Variants in TAAR5 observed in about 807,000 individuals in gnomAD.
The protein encoded by TAAR5 is trace amine-associated receptor 5.
A neutral mutation model predicts 21.1 loss-of-function variants in TAAR5; 27 were observed. That is an observed-to-expected ratio of 1.28 (90% confidence interval 0.94 to 1.76). TAAR5 has a LOEUF of 1.76. Among genes scored for constraint, TAAR5 ranks in the 40% most tolerant of loss-of-function variants. The pLI, the probability that TAAR5 is intolerant of heterozygous loss-of-function variation, is 0.00. For missense variants in TAAR5, 495 were observed against 405.6 expected, an observed-to-expected ratio of 1.22 and a Z score of -1.89; for synonymous variants, 203 against 167.5, an observed-to-expected ratio of 1.21 and a Z score of -1.64.
At chr6:132,601,229 A>T in the TAAR5 span, among the ~76,000 whole-genome samples, 1 of 152,220 alleles carries the variant, frequency 6.6e-6, no homozygotes, top group Non-Finnish European at 1.5e-5. Context: ...TGAAATCTTG[A>T]ATTTTTAATA....
At chr6:132,599,416 C>A in the TAAR5 span, among the ~76,000 whole-genome samples, 1 of 149,756 alleles carries the variant, frequency 6.7e-6, no homozygotes, top group East Asian at 2.0e-4. Context: ...GCAACCTTCA[C>A]CTCCTGGGTT....
chr6:132,590,956 T>C (rs1295633643), upstream of TAAR5, among the ~76,000 whole-genome samples: 1 of 152,210 alleles, frequency 6.6e-6, no homozygotes, highest in Non-Finnish European at 1.5e-5. Context: ...TTGAGAATAA[T>C]TGATCATGGG....
In TAAR5 at chr6:132,588,931, C is replaced by A. The variant is rs768514767; in HGVS notation, c.756G>T (p.Lys252Asn). ...ATATGCCCACAGCAATGCCCAGGGT[C>A]TTGGCAGCTTTTCTCTCATGCTTGG... Reference protein sequence around the residue: ...GAAKHERKAAKTLGIAVGIYL... With the variant: ...GAAKHERKAANTLGIAVGIYL... The change falls in exon 1 of 1, where the codon AAG becomes AAT. Residue 252 changes from lysine to asparagine, a missense_variant. By Grantham distance (94) the Lys-to-Asn change is moderately conservative. Coordinates refer to ENST00000258034, the MANE Select transcript of TAAR5 (RefSeq NM_003967.3). 1 of 1,614,142 alleles carries A rather than the reference C, an allele frequency of 6.2e-7. No individual in the cohort carries two copies. Among genetic ancestry groups the A allele is most frequent in the Admixed American group, 1.7e-5 (1 of 60,030 alleles).
In TAAR5 at chr6:132,589,104, G is replaced by C. The variant is rs142528485; in HGVS notation, c.583C>G (p.Leu195Val). Residue 195 changes from leucine (L) to valine (V), a missense_variant, in exon 1 of 1, where the codon CTG (leucine) becomes GTG (valine). By Grantham distance (32) the Leu-to-Val change is conservative. Coordinates refer to ENST00000258034, the MANE Select transcript of TAAR5 (RefSeq NM_003967.3). The stretch of plus-strand genomic sequence containing the variant: ...AACCAGCCCCAAAATTTATTGAGCA[G>C]CAGCTGGCAACTGCCCACACAAGGC... ...EMPCVGSCQL[L>V]LNKFWGWLNF... 6.2e-7 allele frequency: 1 copy of C among 1,613,936 alleles called. No homozygotes were observed. Among genetic ancestry groups the C allele is most frequent in the Admixed American group, 1.7e-5 (1 of 60,016 alleles).
At chr6:132,608,442 G>C in the TAAR5 span, 1 of 455,816 alleles carries the variant, frequency 2.2e-6, no homozygotes, top group South Asian at 1.5e-5. Context: ...CTAGGTATGG[G>C]TCAATCAGAA....
At chr6:132,596,318 T>C in the TAAR5 span, among the ~76,000 whole-genome samples, 1 of 152,204 alleles carries the variant, frequency 6.6e-6, no homozygotes, top group Admixed American at 6.6e-5. Context: ...GACTGACTTA[T>C]CCAGAGTATG....
At chr6:132,590,691 G>A (rs1412034278), upstream of TAAR5, among the ~76,000 whole-genome samples, 1 of 152,168 alleles carries the variant, frequency 6.6e-6, no homozygotes, top group Non-Finnish European at 1.5e-5. Flanking sequence ...GACCTAGTTT[G>A]CACTATTTGC....
At chr6:132,589,925 T>A (rs1402681637), upstream of TAAR5, among the ~76,000 whole-genome samples, 3 of 152,164 alleles carry the variant, frequency 2.0e-5, no homozygotes, top group Non-Finnish European at 2.9e-5. Context: ...GAGTTACTTC[T>A]GCTAGCTCTA....
At chr6:132,599,518 G>C in the TAAR5 span, among the ~76,000 whole-genome samples, 3 of 151,576 alleles carry the variant, frequency 2.0e-5, no homozygotes, top group Non-Finnish European at 4.4e-5. Context: ...TAGTAGAGAT[G>C]GGGTGTCACC....
chr6:132,602,211 T>C, the TAAR5 span, among the ~76,000 whole-genome samples: 1 of 152,138 alleles, frequency 6.6e-6, no homozygotes, highest in Non-Finnish European at 1.5e-5. Flanking sequence ...TGGGGGAAGA[T>C]GGTTTTGGGA....
At chr6:132,606,757 G>T in the TAAR5 span, among the ~76,000 whole-genome samples, 3 of 152,294 alleles carry the variant, frequency 2.0e-5, no homozygotes, top group South Asian at 6.2e-4. Context: ...AGTTGAGCCT[G>T]GATAATTTTC....
At chr6:132,600,738 CA>C in the TAAR5 span, among the ~76,000 whole-genome samples, 1 of 93,994 alleles carries the variant, frequency 1.1e-5, no homozygotes, top group African/African-American at 4.2e-5. Context: ...ACAAAGTAAA[CA>C]AAAAGAAAAA....
chr6:132,592,062 T>C (rs539414366), upstream of TAAR5, among the ~76,000 whole-genome samples: 1 of 152,332 alleles, frequency 6.6e-6, no homozygotes, highest in Non-Finnish European at 1.5e-5. Context: ...TAGAAATACA[T>C]TCCATTACAT....
chr6:132,592,353 T>C (rs1199896166), upstream of TAAR5, among the ~76,000 whole-genome samples: 1 of 152,224 alleles, frequency 6.6e-6, no homozygotes, highest in African/African-American at 2.4e-5. Context: ...GAAGTGTTCT[T>C]AGTACAAGCT....
chr6:132,608,878 C>T, the TAAR5 span: 1 of 455,938 alleles, frequency 2.2e-6, no homozygotes, highest in Non-Finnish European at 4.4e-6. Flanking sequence ...TAAAGGGTAA[C>T]ACACGGCATA....
the TAAR5 span, chr6:132,595,585 T>C: frequency 1.3e-5 from 2 of 152,150 alleles, no homozygotes; most frequent in Non-Finnish European, 2.9e-5. Context: ...ACAATCCAAA[T>C]ATGAATTCCC....
At chr6:132,604,121 A>G in the TAAR5 span, among the ~76,000 whole-genome samples, 1 of 146,194 alleles carries the variant, frequency 6.8e-6, no homozygotes, top group Admixed American at 6.8e-5. Flanking sequence ...ATTTTAACAT[A>G]TTTTTTCTTT....
upstream of TAAR5, among the ~76,000 whole-genome samples, chr6:132,593,299 A>G (rs1776932205): frequency 6.6e-6 from 1 of 152,166 alleles, no homozygotes; most frequent in Non-Finnish European, 1.5e-5. Context: ...CTGAGTGGCT[A>G]TGGTCCCTCC....
At chr6:132,615,125 G>T in the TAAR5 span, among the ~76,000 whole-genome samples, 19 of 152,148 alleles carry the variant, frequency 1.2e-4, no homozygotes, top group African/African-American at 4.6e-4. Flanking sequence ...GCCTCCCAAA[G>T]TGCTGGGATT....
Sources: allele counts gnomAD v4.1 joint callset (sites outside exome capture counted in the v4.1 genomes callset), GRCh38; gene constraint gnomAD v4.1.1; transcripts MANE v1.5; gene names NCBI Gene and HGNC (gene_info 2026-07-23, HGNC 2026-07-21).